The following DPP6 variants were observed in gnomAD, a reference collection of about 807,000 sequenced individuals.
DPP6 encodes the protein A-type potassium channel modulatory protein DPP6.
DPP6 carries 69 observed loss-of-function variants against 122.6 expected under a neutral mutation model. The ratio of observed to expected loss-of-function variants is 0.56; its 90% CI spans 0.46 to 0.69. The LOEUF (loss-of-function observed/expected upper bound fraction) is 0.69, where lower values mean the gene tolerates loss of function less well. Ranked by LOEUF, DPP6 falls within the 30% of genes least tolerant of loss-of-function variation. The pLI is 0.00. For missense variants in DPP6, 928 were observed against 1,116.9 expected (o/e 0.83, Z 2.41); for synonymous variants, 418 against 433.1 (o/e 0.97, Z 0.43).
chr7:154,085,704 T>C (rs901367534), intron 1 of DPP6, among the ~76,000 whole-genome samples: 1 of 152,058 alleles, frequency 6.6e-6, no homozygotes, highest in African/African-American at 2.4e-5. Flanking sequence ...ACTTTCCTAG[T>C]ATGCTTAGTA....
upstream of DPP6, among the ~76,000 whole-genome samples, chr7:154,051,040 C>G (rs1800280093): frequency 7.7e-6 from 1 of 130,390 alleles, no homozygotes; most frequent in Non-Finnish European, 1.7e-5. Context: ...CAGGCCCAGG[C>G]AGGCCTCTCT....
chr7:154,827,523 G>A (rs905304858), intron 16 of DPP6, among the ~76,000 whole-genome samples: 13 of 152,234 alleles, frequency 8.5e-5, no homozygotes, highest in East Asian at 3.9e-4. Flanking sequence ...AAGAGAGGGC[G>A]TCTGCGCAGA....
intron 7 of DPP6, among the ~76,000 whole-genome samples, chr7:154,723,732 A>G (rs4960603): frequency 0.28 from 41,959 of 152,178 alleles, 6,673 homozygotes; most frequent in South Asian, 0.43. Flanking sequence ...TATTCATGCC[A>G]TTTCCTGTAT....
intron 1 of DPP6, among the ~76,000 whole-genome samples, chr7:154,346,780 C>T (rs9655640): frequency 6.6e-6 from 1 of 152,300 alleles, no homozygotes; most frequent in South Asian, 2.1e-4. Flanking sequence ...TGCCTTCCAT[C>T]GTCACTTATT....
intron 7 of DPP6, among the ~76,000 whole-genome samples, 163 bp downstream of exon 7, chr7:154,669,604 A>G (rs1274386356): frequency 1.3e-5 from 2 of 152,056 alleles, no homozygotes; most frequent in East Asian, 3.9e-4. Flanking sequence ...GGGTGTCTGA[A>G]TATGTAAAAG....
intron 21 of DPP6, chr7:154,883,928 A>G (rs928059160): frequency 7.7e-5 from 11 of 143,176 alleles, no homozygotes; most frequent in African/African-American, 2.2e-4. Context: ...ACGCTCACAC[A>G]TACACACGAG....
intron 1 of DPP6, among the ~76,000 whole-genome samples, chr7:154,340,508 C>T (rs1041349410): frequency 6.6e-6 from 1 of 152,158 alleles, no homozygotes; most frequent in Non-Finnish European, 1.5e-5. Flanking sequence ...GGCTCACTGG[C>T]TATGGTGAAT....
Position 154,680,150 on chromosome 7 carries a change from A to C in DPP6, c.762+10709A>C, listed in dbSNP as rs140077517. On this transcript the variant is annotated intron_variant, in intron 7 of 25. Transcript: ENST00000377770. ...CAGAAAGGAAATGCGTAATCATAGG[A>C]TTATGGGGGAAGTGAGAGAAGAAAA... 1.6e-4 allele frequency among the ~76,000 whole-genome samples: 24 copies of C among 152,236 alleles called. No homozygotes were observed. In the East Asian group the frequency reaches 4.6e-3, roughly 29 times the overall value.
intron 3 of DPP6, among the ~76,000 whole-genome samples, chr7:154,525,661 A>G (rs1827346758): frequency 6.6e-6 from 1 of 152,236 alleles, no homozygotes; most frequent in Admixed American, 6.5e-5. Flanking sequence ...CGTGGCTAAC[A>G]CATGGTCCAT....
intron 1 of DPP6, among the ~76,000 whole-genome samples, chr7:153,996,132 G>A (rs533346156): frequency 6.6e-6 from 1 of 152,128 alleles, no homozygotes; most frequent in Non-Finnish European, 1.5e-5. Flanking sequence ...ACTGGAGACT[G>A]CAGCCATCAG....
intron 1 of DPP6, among the ~76,000 whole-genome samples, chr7:154,066,455 C>T (rs1301874450): frequency 2.6e-5 from 4 of 152,200 alleles, no homozygotes; most frequent in African/African-American, 7.2e-5. Context: ...CAGGTTAACA[C>T]GCATGTGCTC....
intron 16 of DPP6, among the ~76,000 whole-genome samples, chr7:154,852,307 G>A (rs79583066): frequency 6.6e-6 from 1 of 152,258 alleles, no homozygotes; most frequent in Non-Finnish European, 1.5e-5. Flanking sequence ...CACCCCTTGT[G>A]AGTCCATGGC....
chr7:153,892,321 T>A (rs895148788), intron 1 of DPP6, among the ~76,000 whole-genome samples: 2 of 152,042 alleles, frequency 1.3e-5, no homozygotes, highest in South Asian at 2.1e-4. Flanking sequence ...TTCTATTATT[T>A]TTTTTTTTCT....
chr7:154,381,014 C>G (rs1027570210), intron 1 of DPP6, among the ~76,000 whole-genome samples: 78 of 152,200 alleles, frequency 5.1e-4, no homozygotes, highest in Admixed American at 9.2e-4. Flanking sequence ...ACTGTCTCAT[C>G]TCAGTGTGCA....
chr7:154,506,246 T>A (rs975973084), intron 3 of DPP6, among the ~76,000 whole-genome samples: 1 of 152,092 alleles, frequency 6.6e-6, no homozygotes, highest in African/African-American at 2.4e-5. Flanking sequence ...TCAGTTTTTG[T>A]TGTGTTCAGA....
At chr7:154,273,721 GA>G (rs962443803) in intron 1 of DPP6, among the ~76,000 whole-genome samples, 2 of 152,114 alleles carry the variant, frequency 1.3e-5, no homozygotes, top group South Asian at 2.1e-4. Flanking sequence ...AAAGAGATCA[GA>G]AAAAAAGGGT....
intron 8 of DPP6, among the ~76,000 whole-genome samples, chr7:154,745,812 C>T (rs1843010700): frequency 2.0e-5 from 3 of 152,186 alleles, no homozygotes; most frequent in Admixed American, 2.0e-4. Context: ...CTCACTCACC[C>T]TTGGGGGAGG....
intron 1 of DPP6, among the ~76,000 whole-genome samples, chr7:154,291,099 A>G (rs1805179491): frequency 6.6e-6 from 1 of 152,084 alleles, no homozygotes; most frequent in Non-Finnish European, 1.5e-5. Context: ...TCCCCTCCAA[A>G]AACAATCCCA....
intron 1 of DPP6, among the ~76,000 whole-genome samples, chr7:153,954,700 AGACT>A (rs1243101507): frequency 2.6e-5 from 4 of 152,294 alleles, no homozygotes; most frequent in East Asian, 1.9e-4. Context: ...ATAGAGCAAA[AGACT>A]GACCGCCCCA....
Sources: allele counts gnomAD v4.1 joint callset (sites outside exome capture counted in the v4.1 genomes callset), GRCh38; gene constraint gnomAD v4.1.1; transcripts MANE v1.5; gene names NCBI Gene and HGNC (gene_info 2026-07-23, HGNC 2026-07-21).